CHST9: variants seen among roughly 807,000 people sequenced by gnomAD.
CHST9 encodes GalNAc-4-sulfotransferase 2.
Under a neutral mutation model 44.4 loss-of-function variants are expected in CHST9, and 41 were observed. The ratio of observed to expected loss-of-function variants is 0.92; its 90% CI spans 0.72 to 1.20. The LOEUF (loss-of-function observed/expected upper bound fraction) is 1.20. Ranked by LOEUF, CHST9 falls within the 50% of genes most tolerant of loss-of-function variation. The pLI is 0.00. For missense variants in CHST9, 504 were observed against 516.5 expected (o/e 0.98, Z 0.23); for synonymous variants, 171 against 178.4 (o/e 0.96, Z 0.33).
intron 2 of CHST9, among the ~76,000 whole-genome samples, chr18:27,098,566 T>C (rs149692611): frequency 6.6e-6 from 1 of 152,244 alleles, no homozygotes; most frequent in East Asian, 1.9e-4. Context: ...TGCCCATCAA[T>C]GATAGGCTGG....
intron 3 of CHST9, among the ~76,000 whole-genome samples, chr18:27,045,838 T>G (rs2057493468): frequency 6.6e-6 from 1 of 152,036 alleles, no homozygotes; most frequent in Admixed American, 6.6e-5. Flanking sequence ...GTAGACGGAC[T>G]CTAAATAGAA....
chr18:26,956,978 G>C (rs2056334256), intron 4 of CHST9, among the ~76,000 whole-genome samples: 1 of 152,178 alleles, frequency 6.6e-6, no homozygotes, highest in African/African-American at 2.4e-5. Flanking sequence ...AGCTGGTCTT[G>C]AGAATTAAAG....
At chr18:27,130,545 G>A (rs979594611) in intron 2 of CHST9, among the ~76,000 whole-genome samples, 21 of 152,260 alleles carry the variant, frequency 1.4e-4, no homozygotes, top group African/African-American at 4.6e-4. Flanking sequence ...GAATAGATAC[G>A]ATATGGAAGC....
intron 3 of CHST9, among the ~76,000 whole-genome samples, chr18:27,032,969 C>A (rs574316429): frequency 6.6e-6 from 1 of 152,288 alleles, no homozygotes; most frequent in Admixed American, 6.5e-5. Flanking sequence ...AGTTTCATAT[C>A]CTTTGAAAAT....
At chr18:27,093,689 CT>C in intron 2 of CHST9, among the ~76,000 whole-genome samples, 1 of 152,352 alleles carries the variant, frequency 6.6e-6, no homozygotes, top group South Asian at 2.1e-4. Flanking sequence ...CTCCCAACCC[CT>C]TGTGCTTCCC....
At chr18:26,956,086 G>T (rs1305874651) in intron 4 of CHST9, among the ~76,000 whole-genome samples, 1 of 151,922 alleles carries the variant, frequency 6.6e-6, no homozygotes, top group East Asian at 1.9e-4. Flanking sequence ...CACAAGGCCA[G>T]GAGTTTAAGA....
At chr18:27,120,523 AC>A (rs2058365782) in intron 2 of CHST9, among the ~76,000 whole-genome samples, 1 of 152,056 alleles carries the variant, frequency 6.6e-6, no homozygotes, top group Non-Finnish European at 1.5e-5. Context: ...GGATTCCCCA[AC>A]CAATTCCAGA....
intron 5 of CHST9, among the ~76,000 whole-genome samples, chr18:26,931,678 T>A (rs546019079): frequency 2.6e-5 from 4 of 152,270 alleles, no homozygotes; most frequent in Non-Finnish European, 5.9e-5. Flanking sequence ...GGCTCCACTC[T>A]CCTTCAGTTA....
At chr18:27,051,366 C>A (rs1188716320) in intron 2 of CHST9, among the ~76,000 whole-genome samples, 4 of 152,190 alleles carry the variant, frequency 2.6e-5, no homozygotes, top group Non-Finnish European at 5.9e-5. Context: ...TTACCATGAA[C>A]TATGACTGCA....
intron 2 of CHST9, among the ~76,000 whole-genome samples, chr18:27,111,162 C>T (rs1458770266): frequency 2.0e-5 from 3 of 152,182 alleles, no homozygotes; most frequent in South Asian, 2.1e-4. Context: ...TAGGTAACTT[C>T]TTTGATGTGA....
intron 4 of CHST9, among the ~76,000 whole-genome samples, chr18:27,010,123 C>G (rs1258144753): frequency 3.9e-5 from 6 of 152,198 alleles, no homozygotes; most frequent in East Asian, 1.9e-4. Flanking sequence ...AATCATTCTC[C>G]TTTATAACAT....
At chr18:27,023,922 T>A (rs1054385745) in intron 4 of CHST9, among the ~76,000 whole-genome samples, 194 bp downstream of exon 4, 3 of 152,204 alleles carry the variant, frequency 2.0e-5, no homozygotes, top group African/African-American at 7.2e-5. Flanking sequence ...GATCGTGGTT[T>A]GCTTGCTTTT....
chr18:26,993,315 A>T (rs1475915296), intron 4 of CHST9, among the ~76,000 whole-genome samples: 3 of 152,212 alleles, frequency 2.0e-5, no homozygotes, highest in Non-Finnish European at 4.4e-5. Flanking sequence ...GAATCACAGA[A>T]ATTAAAGAGA....
chr18:26,935,069 T>A (rs2055962837), intron 5 of CHST9: 1 of 152,226 alleles, frequency 6.6e-6, no homozygotes, highest in Non-Finnish European at 1.5e-5. Flanking sequence ...TGCTTATTGA[T>A]TGATTAAAAG....
intron 4 of CHST9, among the ~76,000 whole-genome samples, chr18:26,975,723 GTGTATATA>G (rs1285863718): frequency 7.2e-4 from 43 of 59,348 alleles, no homozygotes; most frequent in Admixed American, 1.0e-3. Flanking sequence ...GTGTGTGTGT[GTGTATATA>G]TATATATATA....
intron 3 of CHST9, among the ~76,000 whole-genome samples, chr18:27,034,817 C>T (rs2057375066): frequency 6.6e-6 from 1 of 152,196 alleles, no homozygotes; most frequent in Non-Finnish European, 1.5e-5. Flanking sequence ...AATTTTATCT[C>T]TTCTGATGGG....
chr18:27,024,017 G>A, intron 4 of CHST9, 99 bp downstream of exon 4: 4 of 1,146,940 alleles, frequency 3.5e-6, no homozygotes, highest in Admixed American at 4.0e-5. Context: ...AGCAGAACAG[G>A]TGCTTAAAAG....
At chr18:26,972,469 A>G (rs1622454) in intron 4 of CHST9, among the ~76,000 whole-genome samples, 52,740 of 151,464 alleles carry the variant, frequency 0.35, 9,770 homozygotes, top group East Asian at 0.47. Context: ...AAAGGGTTCT[A>G]GACAGAGGGA....
At chr18:26,933,088 C>T (rs2055910431) in intron 5 of CHST9, 1 of 153,756 alleles carries the variant, frequency 6.5e-6, no homozygotes, top group Admixed American at 6.5e-5. Flanking sequence ...TCTACACGTG[C>T]ATAGACCAAT....
Sources: allele counts gnomAD v4.1 joint callset (sites outside exome capture counted in the v4.1 genomes callset), GRCh38; gene constraint gnomAD v4.1.1; transcripts MANE v1.5; gene names NCBI Gene and HGNC (gene_info 2026-07-23, HGNC 2026-07-21).